The following C2CD3 variants were observed in gnomAD, a reference collection of about 807,000 sequenced individuals.
C2CD3 encodes the protein C2 domain-containing protein 3.
Under a neutral mutation model 234.0 loss-of-function variants are expected in C2CD3, and 148 were observed. The observed-to-expected ratio is 0.63, with a 90% confidence interval of 0.55 to 0.72. C2CD3 has a LOEUF of 0.72. C2CD3 is among the 30% of genes least tolerant of loss of function. C2CD3 has a pLI of 0.00. For missense variants in C2CD3, 2,577 were observed against 2,811.5 expected, an observed-to-expected ratio of 0.92 and a Z score of 1.89; for synonymous variants, 1,000 against 1,035.4, an observed-to-expected ratio of 0.97 and a Z score of 0.66.
intron 3 of C2CD3, among the ~76,000 whole-genome samples, chr11:74,146,103 A>C (rs1470434200): frequency 1.3e-5 from 2 of 152,240 alleles, no homozygotes; most frequent in Non-Finnish European, 2.9e-5. Context: ...AATAAACAGA[A>C]AGTACACATT....
chr11:74,113,637 G>A (rs141025167), intron 11 of C2CD3, 143 bp downstream of exon 11: 25 of 653,520 alleles, frequency 3.8e-5, no homozygotes, highest in African/African-American at 1.4e-4. Context: ...CAGAGATTGC[G>A]CCACCACACT....
In C2CD3 at chr11:74,033,648, T is replaced by G. The variant is rs1365583390; in HGVS notation, c.6512A>C (p.Asn2171Thr). ...TGTTGGGCATGGGATGGGCTGAGGG[T>G]TGGCTGAGGCAGACTCGCCACCAAC... ...ARVGGESASA[N>T]PQPIPCPTLS... Residue 2171 changes from asparagine (N) to threonine (T), a missense_variant, in exon 31 of 33, where the codon AAC becomes ACC. Asn to Thr is a moderately conservative substitution (Grantham distance 65). Transcript: ENST00000334126. The G allele has an allele frequency of 1.1e-5, 17 of 1,535,932 alleles. No homozygotes were observed. Among genetic ancestry groups the G allele is most frequent in the Non-Finnish European group, 1.2e-5 (14 of 1,146,900 alleles).
intron 3 of C2CD3, among the ~76,000 whole-genome samples, chr11:74,154,849 T>G (rs1855906647): frequency 6.6e-6 from 1 of 152,216 alleles, no homozygotes; most frequent in South Asian, 2.1e-4. Flanking sequence ...ATACTCAACA[T>G]GTTAGTCATC....
At position 74,138,966 on chromosome 11, in the gene C2CD3, C is replaced by T. The variant is rs1263201153; in HGVS notation, c.709G>A (p.Gly237Arg). The T allele has an allele frequency of 1.9e-6, 3 of 1,603,318 alleles. No homozygotes were observed. The highest frequency in any genetic ancestry group is 2.2e-5 in the South Asian group (2 of 89,614). Residue 237 changes from glycine to arginine, a missense_variant and splice_region_variant, in exon 5 of 33, where the codon GGA (glycine) becomes AGA (arginine). Transcript: ENST00000334126. ...TCTGCAAAGCATACATGGTCTTTTC[C>T]CCTGTTTTTTTAAAAAGGGAGAACA... ...ANSSRSTTPR[G>R]KDHVCFAENP...
intron 9 of C2CD3, among the ~76,000 whole-genome samples, chr11:74,116,913 T>TATATAC (rs1956969479): frequency 8.1e-6 from 1 of 122,892 alleles, no homozygotes; most frequent in Non-Finnish European, 1.7e-5. Context: ...CGTGTATGTA[T>TATATAC]ATATACATAT....
In C2CD3 at chr11:74,033,689, C is replaced by T; in HGVS notation, c.6471G>A (p.Glu2157=). 6.5e-7 allele frequency: 1 copy of T among 1,536,324 alleles called. No individual in the cohort carries two copies. ...PSQSLVACEC[E]ASKARVGGES... Reference sequence around the variant, plus strand: ...CGCCACCAACCCTGGCCTTAGAGGCCTCACACTCACAAGCAACAAGACTTT... The same window carrying T: ...CGCCACCAACCCTGGCCTTAGAGGCTTCACACTCACAAGCAACAAGACTTT... The change falls in exon 31 of 33, where the codon GAG becomes GAA. Residue 2157 remains glutamate (E), a synonymous_variant. Transcript: ENST00000334126.
chr11:74,035,174 G>T (rs974974718), intron 30 of C2CD3, among the ~76,000 whole-genome samples: 1 of 152,176 alleles, frequency 6.6e-6, no homozygotes, highest in African/African-American at 2.4e-5. Context: ...TCTACAGGAG[G>T]TGCTGGCTGT....
At chr11:74,109,787 T>C (rs1158266813) in intron 11 of C2CD3, among the ~76,000 whole-genome samples, 1 of 151,976 alleles carries the variant, frequency 6.6e-6, no homozygotes, top group Admixed American at 6.6e-5. Context: ...TAAAAAGAAT[T>C]TGAGGCCGGG....
At position 74,100,773 on chromosome 11, in the gene C2CD3, T is replaced by C. The variant is rs563301826; in HGVS notation, c.2581-97A>G. On this transcript the variant is annotated intron_variant, in intron 14 of 32. Transcript: ENST00000334126. ...CAATAAGCATTTACAGAAAGCCTAT[T>C]GTTAACACACAGTGTTATGAGCTAA... The C allele has an allele frequency of 2.8e-5, 29 of 1,030,638 alleles. No individual in the cohort carries two copies. In the Admixed American group the frequency reaches 6.4e-4, roughly 23 times the overall value. The allele number at this position is 1,030,638 out of a possible 1,614,324, so 63.8% of individuals were successfully genotyped here.
At chr11:74,169,274 C>T (rs960944616) in intron 1 of C2CD3, among the ~76,000 whole-genome samples, 3 of 152,122 alleles carry the variant, frequency 2.0e-5, no homozygotes, top group Admixed American at 1.3e-4. Flanking sequence ...TATTTATTGG[C>T]TTTAGTATTT....
At chr11:74,052,324 A>C (rs1953733756) in intron 26 of C2CD3, among the ~76,000 whole-genome samples, 2 of 152,254 alleles carry the variant, frequency 1.3e-5, no homozygotes, top group Admixed American at 6.5e-5. Flanking sequence ...TTATGTGCCA[A>C]GTACTTTACA....
At chr11:74,127,377 A>G (rs1453836452) in intron 7 of C2CD3, among the ~76,000 whole-genome samples, 2 of 152,216 alleles carry the variant, frequency 1.3e-5, no homozygotes, top group East Asian at 3.8e-4. Flanking sequence ...CTTGATGGCC[A>G]AAGGTGAAAA....
At chr11:74,021,342 G>C (rs753084289) in intron 32 of C2CD3, among the ~76,000 whole-genome samples, 53 of 152,228 alleles carry the variant, frequency 3.5e-4, no homozygotes, top group Non-Finnish European at 4.7e-4. Context: ...AGGGGAAATG[G>C]ATTTGGGAAT....
intron 7 of C2CD3, among the ~76,000 whole-genome samples, chr11:74,125,932 C>T (rs1206053232): frequency 6.6e-6 from 1 of 152,128 alleles, no homozygotes; most frequent in Non-Finnish European, 1.5e-5. Context: ...TGCTCTCTCT[C>T]TATGACATAT....
chr11:74,165,337 G>A (rs1405654), intron 2 of C2CD3, among the ~76,000 whole-genome samples: 40,804 of 151,834 alleles, frequency 0.27, 6,527 homozygotes, highest in African/African-American at 0.45. Flanking sequence ...ATCTCTTCAT[G>A]CAATAGTGAC....
chr11:74,153,414 C>T (rs1362662600), intron 3 of C2CD3, among the ~76,000 whole-genome samples: 3 of 151,930 alleles, frequency 2.0e-5, no homozygotes, highest in Admixed American at 6.6e-5. Context: ...TGTCTTTATC[C>T]ACAGATGACA....
At chr11:74,147,321 G>A (rs2135552938) in intron 3 of C2CD3, among the ~76,000 whole-genome samples, 1 of 152,200 alleles carries the variant, frequency 6.6e-6, no homozygotes, top group East Asian at 1.9e-4. Flanking sequence ...GAAGGCTGTC[G>A]TGGGAGGATC....
intron 2 of C2CD3, among the ~76,000 whole-genome samples, chr11:74,166,668 C>G (rs920136526): frequency 6.6e-6 from 1 of 152,158 alleles, no homozygotes; most frequent in African/African-American, 2.4e-5. Context: ...TATATACTGT[C>G]TGGCATTGCT....
chr11:74,135,809 T>C (rs1002893881), intron 5 of C2CD3, among the ~76,000 whole-genome samples: 3 of 152,180 alleles, frequency 2.0e-5, no homozygotes, highest in African/African-American at 7.2e-5. Flanking sequence ...GCAAGACACC[T>C]TTAAAGATCT....
Sources: allele counts gnomAD v4.1 joint callset (sites outside exome capture counted in the v4.1 genomes callset), GRCh38; gene constraint gnomAD v4.1.1; transcripts MANE v1.5; gene names NCBI Gene and HGNC (gene_info 2026-07-23, HGNC 2026-07-21).